Variants in TJP2 observed in about 807,000 individuals in gnomAD.
TJP2 encodes the protein tight junction protein 2, also known as Friedreich ataxia region gene X104 (tight junction protein ZO-2).
TJP2 carries 91 observed loss-of-function variants against 133.1 expected under a neutral mutation model. The ratio of observed to expected loss-of-function variants is 0.68; its 90% CI spans 0.58 to 0.81. TJP2 has a LOEUF of 0.81. Among genes scored for constraint, TJP2 ranks in the 40% least tolerant of loss-of-function variants. The probability of loss-of-function intolerance (pLI) is 0.00; values close to 1 mark genes in which losing one functional copy is unlikely to be tolerated. For missense variants in TJP2, 1,541 were observed against 1,565.6 expected, an observed-to-expected ratio of 0.98 and a Z score of 0.26; for synonymous variants, 592 against 583.4, an observed-to-expected ratio of 1.01 and a Z score of -0.21.
intron 17 of TJP2, chr9:69,246,211 C>T (rs950603435): frequency 5.2e-6 from 1 of 191,370 alleles, no homozygotes; most frequent in East Asian, 1.3e-4. Flanking sequence ...TTTTGGTATC[C>T]AAGTGGGGGG....
At chr9:69,232,626 A>C (rs971993648) in intron 11 of TJP2, among the ~76,000 whole-genome samples, 1 of 152,174 alleles carries the variant, frequency 6.6e-6, no homozygotes, top group African/African-American at 2.4e-5. Flanking sequence ...GTGACAGCCT[A>C]ATGTGTGGAA....
intron 1 of TJP2, among the ~76,000 whole-genome samples, chr9:69,130,613 TG>T (rs1822451589): frequency 6.6e-6 from 1 of 152,118 alleles, no homozygotes; most frequent in Admixed American, 6.6e-5. Flanking sequence ...AGTGCAGGTC[TG>T]GAACTTGCAT....
intron 11 of TJP2, among the ~76,000 whole-genome samples, chr9:69,231,953 A>G (rs559712441): frequency 1.3e-5 from 2 of 152,346 alleles, no homozygotes; most frequent in Non-Finnish European, 2.9e-5. Context: ...ATTAAGGTTC[A>G]ATGATAAAAT....
intron 5 of TJP2, among the ~76,000 whole-genome samples, chr9:69,224,530 A>T (rs1829175604): frequency 6.6e-6 from 1 of 152,130 alleles, no homozygotes; most frequent in Admixed American, 6.5e-5. Flanking sequence ...TACAACAATT[A>T]GCTGGGCATG....
intron 16 of TJP2, among the ~76,000 whole-genome samples, 184 bp from the exon 17 acceptor site, chr9:69,239,753 G>T (rs1002471423): frequency 6.6e-6 from 1 of 152,152 alleles, no homozygotes; most frequent in Non-Finnish European, 1.5e-5. Flanking sequence ...GGCGGAGGTC[G>T]CAGTGAGCCA....
chr9:69,245,161 T>A (rs2133446679), intron 17 of TJP2, among the ~76,000 whole-genome samples: 1 of 152,328 alleles, frequency 6.6e-6, no homozygotes, highest in African/African-American at 2.4e-5. Context: ...TTTCTTCGGG[T>A]TGTCTAATGG....
rs138944196 is a variant in TJP2 at position 69,156,052 on chromosome 9, G to C, written c.-10+4281G>C. ...CCTATATGTAAACCAGAAAGTATCA[G>C]AGACAAAGTCTCAATCAACTTAGAG... On this transcript the variant is annotated intron_variant, in intron 2 of 5. Coordinates refer to the TJP2 transcript ENST00000423935. 3.1e-3 allele frequency among the ~76,000 whole-genome samples: 467 copies of C among 152,296 alleles called. 2 individuals carry two copies. Among genetic ancestry groups the C allele is most frequent in the African/African-American group, 0.011 (441 of 41,560 alleles).
intron 10 of TJP2, among the ~76,000 whole-genome samples, chr9:69,229,801 T>C (rs1344552329): frequency 6.6e-6 from 1 of 152,242 alleles, no homozygotes; most frequent in Non-Finnish European, 1.5e-5. Context: ...ATTTTAGCCC[T>C]AACTCTGCCC....
intron 1 of TJP2, among the ~76,000 whole-genome samples, chr9:69,184,682 T>C (rs181431752): frequency 5.3e-5 from 8 of 152,034 alleles, no homozygotes; most frequent in Admixed American, 5.2e-4. Flanking sequence ...GCAGTGGTTA[T>C]AATTTATTAT....
rs547489209 is a variant in TJP2, at chr9:69,254,307, A to G, written c.3506A>G (p.Gln1169Arg). The change falls in exon 23 of 23, where the codon CAG becomes CGG. Residue 1169 changes from glutamine to arginine, a missense_variant. Gln to Arg is a conservative substitution (Grantham distance 43). Transcript: ENST00000377245. The stretch of plus-strand genomic sequence containing the variant: ...GCCGAGGAGGAGGAGTACCGCCAGC[A>G]GCTGTCAGAACACTCCAAGCGCGGT... ...SDAEEEEYRQ[Q>R]LSEHSKRGYY... 4 of 1,614,262 alleles carry G rather than the reference A, an allele frequency of 2.5e-6. No individual in the cohort carries two copies. In the African/African-American group the frequency reaches 5.3e-5, roughly 22 times the overall value.
chr9:69,240,709 T>C (rs965913568), intron 17 of TJP2, among the ~76,000 whole-genome samples: 2 of 151,838 alleles, frequency 1.3e-5, no homozygotes, highest in South Asian at 4.2e-4. Context: ...TGGCTGAGGT[T>C]GGAGGATCGC....
intron 1 of TJP2, among the ~76,000 whole-genome samples, chr9:69,129,938 C>G (rs1043109001): frequency 6.6e-6 from 1 of 150,460 alleles, no homozygotes; most frequent in African/African-American, 2.4e-5. Flanking sequence ...TCGCCTGAAC[C>G]CGGGAGGCGG....
At chr9:69,145,614 A>T (rs1564378986) in intron 1 of TJP2, 1 of 804,380 alleles carries the variant, frequency 1.2e-6, no homozygotes, top group Non-Finnish European at 1.7e-6. Context: ...AGAACATCCA[A>T]AGGAACAGCA....
In TJP2 at chr9:69,218,371, G is replaced by T. The variant is rs7027812; in HGVS notation, c.342+12G>T. 5,542 of 1,611,122 alleles carry T rather than the reference G, an allele frequency of 3.4e-3. 165 individuals carry two copies. The African/African-American group carries it at 0.063, about 18-fold the overall frequency. On this transcript the variant is annotated intron_variant, in intron 4 of 22. Coordinates refer to ENST00000377245, the MANE Select transcript of TJP2 (RefSeq NM_004817.4). Reference sequence around the variant, plus strand: ...AGGTCGCTGCTATTGTAAGTACTGGGTTTGCTTTCAGCTTGCCTTAATAGC... The same window carrying T: ...AGGTCGCTGCTATTGTAAGTACTGGTTTTGCTTTCAGCTTGCCTTAATAGC...
rs1830242298 is a variant in TJP2, at chr9:69,237,045, G to A, written c.2088G>A (p.Lys696=). ...TGCGTGGCCAGAGGTCTGGGGTGAA[G>A]AAGAACCTGAGGAAAAGTCGGGAAG... The part of the protein sequence containing the change: ...WRMRGQRSGV[K]KNLRKSREDL... Residue 696 remains lysine (K), a synonymous_variant, in exon 14 of 23, where the codon AAG becomes AAA. Transcript: ENST00000377245. The A allele has an allele frequency of 6.2e-7, 1 of 1,614,076 alleles. No homozygotes were observed. Among genetic ancestry groups the A allele is most frequent in the South Asian group, 1.1e-5 (1 of 91,086 alleles).
In TJP2 at chr9:69,226,062, C is replaced by T; in HGVS notation, c.1097C>T (p.Ala366Val). The T allele has an allele frequency of 6.2e-7, 1 of 1,614,070 alleles. No homozygotes were observed. Among genetic ancestry groups the T allele is most frequent in the Non-Finnish European group, 8.5e-7 (1 of 1,180,020 alleles). Residue 366 changes from alanine to valine, a missense_variant, in exon 7 of 23, where the codon GCT becomes GTT. Ala to Val is a moderately conservative substitution (Grantham distance 64, BLOSUM62 0). Transcript: ENST00000377245. Reference protein sequence around the residue: ...TVTENMSLTDARKLIEKSRGK... With the variant: ...TVTENMSLTDVRKLIEKSRGK... ...ACTGAGAACATGTCTTTAACGGATGCTCGAAAATTGATAGAAAAGTCAAGA... is the reference window on the plus strand; with the variant it reads ...ACTGAGAACATGTCTTTAACGGATGTTCGAAAATTGATAGAAAAGTCAAGA...
intron 1 of TJP2, among the ~76,000 whole-genome samples, chr9:69,147,352 G>A (rs1823256725): frequency 1.3e-5 from 2 of 152,194 alleles, no homozygotes; most frequent in Admixed American, 6.5e-5. Context: ...TGGGCTTAGC[G>A]GGAAAGGAAT....
chr9:69,243,610 C>T (rs1047989895), intron 17 of TJP2, among the ~76,000 whole-genome samples: 5 of 152,202 alleles, frequency 3.3e-5, no homozygotes. Context: ...GTACTCAGTG[C>T]ATGGTTCGAA....
Position 69,128,349 on chromosome 9 carries a change from A to G in TJP2, c.-131+6624A>G. Among the ~76,000 whole-genome samples, 2 of 22,006 alleles carry G rather than the reference A, an allele frequency of 9.1e-5. 1 individual carries two copies. 14.4% of individuals were successfully genotyped at this position (22,006 alleles called of 152,430 possible). ...TTTTTTAGAGTGGCCATATTCTTCTACAGTCCCATCAGCCAGGTATTTGGA... is the reference window on the plus strand; with the variant it reads ...TTTTTTAGAGTGGCCATATTCTTCTGCAGTCCCATCAGCCAGGTATTTGGA... On this transcript the variant is annotated intron_variant, in intron 1 of 5. Coordinates refer to the TJP2 transcript ENST00000423935.
Sources: gnomAD v4.1 joint callset for allele counts (sites outside exome capture counted in the v4.1 genomes callset) on GRCh38, gnomAD v4.1.1 for gene constraint, MANE v1.5 for transcripts, NCBI Gene and HGNC (gene_info 2026-07-23, HGNC 2026-07-21) for gene names.